RGS6: variants seen among roughly 807,000 people sequenced by gnomAD.
RGS6 encodes the protein regulator of G-protein signaling 6.
Under a neutral mutation model 78.5 loss-of-function variants are expected in RGS6, and 30 were observed. That is an observed-to-expected ratio of 0.38 (90% CI 0.29 to 0.52). The LOEUF is 0.52. Ranked by LOEUF, RGS6 falls within the 20% of genes least tolerant of loss-of-function variation. The probability of loss-of-function intolerance (pLI) is 0.85; values close to 1 mark genes in which losing one functional copy is unlikely to be tolerated. For missense variants in RGS6, 495 were observed against 609.7 expected (o/e 0.81, Z 1.98); for synonymous variants, 206 against 206.0 (o/e 1.00, Z 0.00).
At chr14:71,955,792 C>T (rs372776123) in intron 1 of RGS6, among the ~76,000 whole-genome samples, 32 of 151,618 alleles carry the variant, frequency 2.1e-4, no homozygotes, top group African/African-American at 5.6e-4. Flanking sequence ...ACTTAGAATG[C>T]GTAACTCTCT....
intron 3 of RGS6, among the ~76,000 whole-genome samples, chr14:72,444,795 G>C (rs78387437): frequency 5.9e-3 from 77 of 12,998 alleles, no homozygotes; most frequent in East Asian, 0.083. Flanking sequence ...TGGTTTAGGA[G>C]TGCATATGGC....
At chr14:72,286,940 C>T (rs1298948558) in intron 2 of RGS6, among the ~76,000 whole-genome samples, 1 of 151,960 alleles carries the variant, frequency 6.6e-6, no homozygotes, top group East Asian at 1.9e-4. Context: ...TGTGCCACCA[C>T]ACTTGCCTAA....
chr14:72,023,898 C>T (rs1288228947), intron 2 of RGS6, among the ~76,000 whole-genome samples: 1 of 152,128 alleles, frequency 6.6e-6, no homozygotes, highest in African/African-American at 2.4e-5. Flanking sequence ...GAGGTGGAAC[C>T]GCAGAGGGCT....
At chr14:72,466,254 G>A (rs1252890296) in intron 7 of RGS6, among the ~76,000 whole-genome samples, 1 of 152,222 alleles carries the variant, frequency 6.6e-6, no homozygotes, top group Non-Finnish European at 1.5e-5. Flanking sequence ...TGAGGAAGTA[G>A]AACAACTGGA....
intron 2 of RGS6, among the ~76,000 whole-genome samples, chr14:72,335,454 A>T (rs1354721400): frequency 1.3e-5 from 2 of 152,132 alleles, no homozygotes; most frequent in African/African-American, 2.4e-5. Context: ...TTCCAAACTG[A>T]CTTGCATTTT....
rs777435914 is a variant in RGS6, at chr14:72,281,351, G to A, written c.85-70744G>A. 6.9e-4 allele frequency among the ~76,000 whole-genome samples: 105 copies of A among 151,894 alleles called. 1 individual carries two copies. Among genetic ancestry groups the A allele is most frequent in the Admixed American group, 1.6e-3 (24 of 15,246 alleles). ...TTTAGTAGAGCTGGGGTTTCTCCAT[G>A]TTGGCCAGGCTGGTCTTGAACTGCT... is the stretch of plus-strand genomic sequence containing the variant. On this transcript the variant is annotated intron_variant, in intron 2 of 17. Coordinates refer to ENST00000553525, the MANE Select transcript of RGS6 (RefSeq NM_001204424.2).
chr14:72,381,441 A>G (rs2086073733), intron 3 of RGS6, among the ~76,000 whole-genome samples: 1 of 152,008 alleles, frequency 6.6e-6, no homozygotes, highest in Admixed American at 6.6e-5. Flanking sequence ...AATTTTTTAA[A>G]TAAAATAAAA....
At chr14:72,515,514 A>T (rs1475076113) in intron 14 of RGS6, among the ~76,000 whole-genome samples, 2 of 152,146 alleles carry the variant, frequency 1.3e-5, no homozygotes, top group Non-Finnish European at 2.9e-5. Flanking sequence ...AAAAATGCAA[A>T]AATTAGCTGA....
At chr14:72,119,473 T>A (rs759950201) in intron 2 of RGS6, among the ~76,000 whole-genome samples, 2 of 152,202 alleles carry the variant, frequency 1.3e-5, no homozygotes, top group African/African-American at 2.4e-5. Context: ...AGGTCAATGA[T>A]GAAGGTAAGT....
At chr14:72,412,580 T>C (rs2093501879) in intron 3 of RGS6, among the ~76,000 whole-genome samples, 1 of 152,212 alleles carries the variant, frequency 6.6e-6, no homozygotes, top group South Asian at 2.1e-4. Context: ...AGTTCTCCTC[T>C]GATCTTAGTT....
intron 2 of RGS6, among the ~76,000 whole-genome samples, chr14:72,083,416 G>T (rs543330400): frequency 6.6e-6 from 1 of 152,250 alleles, no homozygotes; most frequent in East Asian, 1.9e-4. Flanking sequence ...AATACAGAAT[G>T]ATCTGATTCA....
chr14:72,396,254 T>TTG (rs1170106309), intron 3 of RGS6, among the ~76,000 whole-genome samples: 1 of 152,234 alleles, frequency 6.6e-6, no homozygotes, highest in Non-Finnish European at 1.5e-5. Flanking sequence ...TGGTATCTCA[T>TTG]TGTGGTTTTG....
At chr14:71,995,220 C>A (rs371109181) in intron 2 of RGS6, among the ~76,000 whole-genome samples, 4 of 152,090 alleles carry the variant, frequency 2.6e-5, no homozygotes, top group African/African-American at 9.7e-5. Context: ...CTTTTCTCAT[C>A]CCCAATTGAA....
the RGS6 span, among the ~76,000 whole-genome samples, chr14:72,601,832 C>T: frequency 6.6e-6 from 1 of 152,242 alleles, no homozygotes; most frequent in Admixed American, 6.5e-5. Context: ...TTCTTCCTCC[C>T]CGCCAACAAC....
rs115959701 is a variant in RGS6, at chr14:72,270,822, T to C, written c.85-81273T>C. Among the ~76,000 whole-genome samples the C allele has an allele frequency of 3.8e-3, 572 of 152,358 alleles. 3 individuals are homozygous for C. Among genetic ancestry groups the C allele is most frequent in the African/African-American group, 0.013 (521 of 41,584 alleles). ...TCCTCATTCTGCCACAAAAAACTTT[T>C]GAATGCACCGAAAGTTAAGTAGAAT... On this transcript the variant is annotated intron_variant, in intron 2 of 17. Transcript: ENST00000553525.
At chr14:72,276,291 G>C (rs992294220) in intron 2 of RGS6, among the ~76,000 whole-genome samples, 2 of 152,050 alleles carry the variant, frequency 1.3e-5, no homozygotes, top group African/African-American at 4.8e-5. Flanking sequence ...GGAAGGAGAG[G>C]GTCTACAGCA....
intron 2 of RGS6, among the ~76,000 whole-genome samples, chr14:72,104,044 C>T (rs2095580841): frequency 6.6e-6 from 1 of 152,170 alleles, no homozygotes; most frequent in African/African-American, 2.4e-5. Flanking sequence ...GCGTTTCCCC[C>T]AGGAGCTTAT....
At chr14:71,892,972 A>G in the RGS6 span, among the ~76,000 whole-genome samples, 2 of 152,288 alleles carry the variant, frequency 1.3e-5, no homozygotes, top group East Asian at 3.8e-4. Context: ...GACGGCAGCG[A>G]TCTGCCTAAG....
At chr14:72,522,939 A>G (rs996554894) in intron 15 of RGS6, among the ~76,000 whole-genome samples, 2 of 152,194 alleles carry the variant, frequency 1.3e-5, no homozygotes, top group Non-Finnish European at 2.9e-5. Flanking sequence ...CTTGGTTTTG[A>G]CGCAGCCATG....
Sources: allele counts gnomAD v4.1 joint callset (sites outside exome capture counted in the v4.1 genomes callset), GRCh38; gene constraint gnomAD v4.1.1; transcripts MANE v1.5; gene names NCBI Gene and HGNC (gene_info 2026-07-23, HGNC 2026-07-21).